Variants in RAP1A observed in about 807,000 individuals in gnomAD.
RAP1A encodes the protein ras-related protein Rap-1A.
A neutral mutation model predicts 26.4 loss-of-function variants in RAP1A; 6 were observed. The observed-to-expected ratio is 0.23, with a 90% CI of 0.12 to 0.45. The LOEUF is 0.45. RAP1A is among the 20% of genes least tolerant of loss of function. The pLI is 0.99. For missense variants in RAP1A, 121 were observed against 217.2 expected (o/e 0.56, Z 2.78); for synonymous variants, 73 against 79.4 (o/e 0.92, Z 0.43).
chr1:111,689,763 G>A (rs778617400), intron 1 of RAP1A, among the ~76,000 whole-genome samples: 3 of 151,874 alleles, frequency 2.0e-5, no homozygotes, highest in Non-Finnish European at 4.4e-5. Flanking sequence ...TCCGTCTCCC[G>A]GGTTCACACC....
chr1:111,700,153 G>A (rs1318800000), intron 4 of RAP1A, among the ~76,000 whole-genome samples: 1 of 152,118 alleles, frequency 6.6e-6, no homozygotes, highest in African/African-American at 2.4e-5. Context: ...TGGAGATCTT[G>A]TAGTTGCTTG....
intron 1 of RAP1A, among the ~76,000 whole-genome samples, chr1:111,584,516 C>G (rs1658323175): frequency 6.6e-6 from 1 of 152,042 alleles, no homozygotes; most frequent in Non-Finnish European, 1.5e-5. Flanking sequence ...GGCACTAATC[C>G]TATTCATTCA....
intron 2 of RAP1A, 31 bp from the exon 3 acceptor site, chr1:111,695,310 T>A (rs41282530): frequency 0.013 from 19,024 of 1,497,868 alleles, 176 homozygotes; most frequent in Middle Eastern, 0.023. Flanking sequence ...TTCCTTTAAT[T>A]TTTTAATATT....
chr1:111,543,105 TACAC>T (rs1039937210), intron 1 of RAP1A, among the ~76,000 whole-genome samples: 5 of 152,126 alleles, frequency 3.3e-5, no homozygotes, highest in African/African-American at 1.2e-4. Flanking sequence ...TTATTTCTGC[TACAC>T]ACACACAGAC....
chr1:111,642,780 C>A (rs1659935040), intron 1 of RAP1A, among the ~76,000 whole-genome samples: 1 of 143,626 alleles, frequency 7.0e-6, no homozygotes, highest in African/African-American at 2.6e-5. Flanking sequence ...AGCCGCCGTG[C>A]CCAGCCTTTT....
intron 1 of RAP1A, chr1:111,686,523 A>G (rs1661483585): frequency 6.6e-6 from 1 of 151,644 alleles, no homozygotes; most frequent in Non-Finnish European, 1.5e-5. Context: ...GAGAAAAAAA[A>G]AGAAAAAGAA....
chr1:111,586,740 T>C (rs1658371775), intron 1 of RAP1A, among the ~76,000 whole-genome samples: 1 of 152,208 alleles, frequency 6.6e-6, no homozygotes. Flanking sequence ...AATGAAAGTA[T>C]AGATGAAAGG....
intron 1 of RAP1A, chr1:111,649,082 G>T: frequency 1.6e-6 from 1 of 609,070 alleles, no homozygotes; most frequent in South Asian, 1.4e-5. Flanking sequence ...TCTCATACTT[G>T]ACTCTAAAGT....
upstream of RAP1A, among the ~76,000 whole-genome samples, chr1:111,614,789 A>G (rs1339907508): frequency 6.6e-6 from 1 of 152,216 alleles, no homozygotes; most frequent in African/African-American, 2.4e-5. Context: ...TTTGAAGAGT[A>G]CCTTATTTTA....
intron 1 of RAP1A, among the ~76,000 whole-genome samples, chr1:111,641,479 C>G (rs1412956433): frequency 1.3e-5 from 2 of 152,050 alleles, no homozygotes; most frequent in African/African-American, 2.4e-5. Flanking sequence ...CATAATGATG[C>G]AGGGGATGTG....
chr1:111,693,747 A>G (rs1308988572), intron 2 of RAP1A, among the ~76,000 whole-genome samples: 1 of 152,158 alleles, frequency 6.6e-6, no homozygotes, highest in Non-Finnish European at 1.5e-5. Context: ...ATTCCACTGT[A>G]AACTTATGAG....
chr1:111,639,568 T>G (rs1289314139), intron 1 of RAP1A, among the ~76,000 whole-genome samples: 1 of 150,978 alleles, frequency 6.6e-6, no homozygotes, highest in Non-Finnish European at 1.5e-5. Flanking sequence ...ATTATGAACT[T>G]TTTTTTTTTT....
At chr1:111,641,946 A>G (rs908008192) in intron 1 of RAP1A, among the ~76,000 whole-genome samples, 2 of 152,110 alleles carry the variant, frequency 1.3e-5, no homozygotes, top group South Asian at 2.1e-4. Context: ...TGCCTCGTCT[A>G]TAAAATGGGG....
chr1:111,604,856 T>C (rs1371564202), intron 1 of RAP1A, among the ~76,000 whole-genome samples: 1 of 152,176 alleles, frequency 6.6e-6, no homozygotes. Context: ...CCTGGGACCA[T>C]GTTTATCTCC....
At position 111,619,933 on chromosome 1, in the gene RAP1A, G is replaced by T. The variant is rs1571501692; in HGVS notation, c.-29G>T. ...AGGTGGAGGAGGCGCCGGACCGGGG[G>T]GGTGAGTAAGGGGCGGGGAGCTCCA... is the stretch of plus-strand genomic sequence containing the variant. On this transcript the variant is annotated splice_region_variant and 5_prime_UTR_variant, in exon 1 of 8. Coordinates refer to ENST00000369709, the MANE Select transcript of RAP1A (RefSeq NM_002884.4). 10 of 398,532 alleles carry T rather than the reference G, an allele frequency of 2.5e-5. No individual in the cohort carries two copies. The East Asian group carries it at 2.9e-4, about 11-fold the overall frequency. 24.7% of individuals were successfully genotyped at this position (398,532 alleles called of 1,614,324 possible).
At chr1:111,648,150 A>G in intron 1 of RAP1A, 1 of 286,330 alleles carries the variant, frequency 3.5e-6, no homozygotes, top group Non-Finnish European at 6.5e-6. Flanking sequence ...GGCTCACTGG[A>G]GCCTCTGCCT....
intron 1 of RAP1A, among the ~76,000 whole-genome samples, chr1:111,599,287 C>T (rs979033338): frequency 8.5e-5 from 13 of 152,066 alleles, no homozygotes; most frequent in African/African-American, 3.1e-4. Context: ...CTCACTGTAA[C>T]CTCTGCCTCC....
chr1:111,665,545 G>A (rs1181742713), intron 1 of RAP1A, among the ~76,000 whole-genome samples: 1 of 152,134 alleles, frequency 6.6e-6, no homozygotes, highest in Non-Finnish European at 1.5e-5. Context: ...TTGTTTGTCT[G>A]CAATGATAAT....
chr1:111,551,379 C>T (rs1305188665), intron 1 of RAP1A, among the ~76,000 whole-genome samples: 1 of 152,082 alleles, frequency 6.6e-6, no homozygotes, highest in Admixed American at 6.6e-5. Context: ...CACTTTAATT[C>T]CTTTACCATT....
Sources: gnomAD v4.1 joint callset for allele counts (sites outside exome capture counted in the v4.1 genomes callset) on GRCh38, gnomAD v4.1.1 for gene constraint, MANE v1.5 for transcripts, NCBI Gene and HGNC (gene_info 2026-07-23, HGNC 2026-07-21) for gene names.